UBR1: variants seen among roughly 807,000 people sequenced by gnomAD.
UBR1 encodes ubiquitin protein ligase E3 component n-recognin 1, also known as E3 ubiquitin-protein ligase UBR1.
UBR1 carries 102 observed loss-of-function variants against 242.1 expected under a neutral mutation model. The observed-to-expected ratio is 0.42, with a 90% CI of 0.36 to 0.50. The LOEUF (loss-of-function observed/expected upper bound fraction) is 0.50, where lower values mean the gene tolerates loss of function less well. Ranked by LOEUF, UBR1 falls within the 20% of genes least tolerant of loss-of-function variation. The pLI is 0.01. For synonymous variants in UBR1, 675 were observed against 684.8 expected, an observed-to-expected ratio of 0.99 and a Z score of 0.22; for missense variants, 1,772 against 2,101.8, an observed-to-expected ratio of 0.84 and a Z score of 3.07.
chr15:43,010,818 C>CAAA (rs768275252), intron 29 of UBR1, among the ~76,000 whole-genome samples: 52 of 56,964 alleles, frequency 9.1e-4, no homozygotes, highest in East Asian at 1.7e-3. Context: ...ACTAAAAATA[C>CAAA]AAAAAAAAAA....
chr15:42,991,697 G>C (rs2032559815), intron 33 of UBR1, among the ~76,000 whole-genome samples: 1 of 151,550 alleles, frequency 6.6e-6, no homozygotes, highest in African/African-American at 2.4e-5. Flanking sequence ...AATTTCCACT[G>C]ACCTAATTTC....
At chr15:43,030,438 T>A (rs1291425983) in intron 20 of UBR1, among the ~76,000 whole-genome samples, 1 of 152,248 alleles carries the variant, frequency 6.6e-6, no homozygotes, top group Non-Finnish European at 1.5e-5. Context: ...GGCATCTGAA[T>A]GAGCAGTGGC....
chr15:43,007,501 A>AG (rs780034558), intron 29 of UBR1, among the ~76,000 whole-genome samples: 10 of 152,032 alleles, frequency 6.6e-5, no homozygotes, highest in Non-Finnish European at 1.3e-4. Flanking sequence ...AGTGCAAAAA[A>AG]CAGATGATAA....
At chr15:42,952,558 A>G in intron 44 of UBR1, 110 bp from the exon 45 acceptor site, 9 of 1,213,436 alleles carry the variant, frequency 7.4e-6, no homozygotes, top group Non-Finnish European at 1.1e-5. Context: ...ACCCCTTTCC[A>G]GCAAGGAAGC....
chr15:43,086,431 G>A (rs2034036911), intron 1 of UBR1, among the ~76,000 whole-genome samples, 191 bp from the exon 2 acceptor site: 2 of 128,854 alleles, frequency 1.6e-5, no homozygotes, highest in Admixed American at 8.3e-5. Context: ...CATACCACCA[G>A]TATCTGAAAA....
intron 19 of UBR1, among the ~76,000 whole-genome samples, chr15:43,033,632 C>T (rs575994334): frequency 4.0e-5 from 6 of 151,550 alleles, no homozygotes; most frequent in Admixed American, 1.3e-4. Context: ...CCAGCCTGGG[C>T]GACAGAGCGA....
Position 42,984,898 on chromosome 15 carries a change from G to A in UBR1, c.4042C>T (p.Gln1348Ter). The A allele has an allele frequency of 6.2e-7, 1 of 1,611,888 alleles. No homozygotes were observed. Among genetic ancestry groups the A allele is most frequent in the Admixed American group, 1.7e-5 (1 of 59,958 alleles). The change falls in exon 36 of 47, where the codon CAA becomes TAA. Residue 1348 changes from glutamine to a stop codon, truncating the protein, a stop_gained. Transcript: ENST00000290650. LOFTEE classifies it high-confidence loss of function. The stretch of plus-strand genomic sequence containing the variant: ...TGGAATATACATACCTGCCTATTTT[G>A]AAGTGCTCCAAACAGAGGTTTTCCT... ...DEGKPLFGAL[Q>*]NRQHNGLKAL...
chr15:43,033,085 T>C (rs900950494), intron 19 of UBR1, among the ~76,000 whole-genome samples: 1 of 152,222 alleles, frequency 6.6e-6, no homozygotes, highest in Non-Finnish European at 1.5e-5. Flanking sequence ...CTGCATTTTA[T>C]ATCCTATTCA....
At chr15:43,069,805 A>C (rs2033801976) in intron 5 of UBR1, among the ~76,000 whole-genome samples, 1 of 152,254 alleles carries the variant, frequency 6.6e-6, no homozygotes, top group East Asian at 1.9e-4. Flanking sequence ...ATGACACTCA[A>C]GCAATCCTCG....
chr15:42,960,718 G>A lies in UBR1; in HGVS notation c.4701-17C>T. On this transcript the variant is annotated splice_polypyrimidine_tract_variant and intron_variant, in intron 42 of 46. Coordinates refer to ENST00000290650, the MANE Select transcript of UBR1 (RefSeq NM_174916.3). ...GCACACCACCTGTATGTGGAGCCAA[G>A]AGAAAAGACAAATGGATTATCACAG... is the stretch of plus-strand genomic sequence containing the variant. 1 of 1,613,214 alleles carries A rather than the reference G, an allele frequency of 6.2e-7. No individual in the cohort carries two copies. The highest frequency in any genetic ancestry group is 8.5e-7 in the Non-Finnish European group (1 of 1,179,392).
At chr15:43,056,584 T>A in intron 10 of UBR1, 142 bp from the exon 11 acceptor site, 1 of 596,920 alleles carries the variant, frequency 1.7e-6, no homozygotes, top group Admixed American at 3.1e-5. Flanking sequence ...CAAGATATTA[T>A]GATCAGCAAA....
At chr15:43,069,002 G>C (rs1177471390) in intron 5 of UBR1, among the ~76,000 whole-genome samples, 1 of 152,202 alleles carries the variant, frequency 6.6e-6, no homozygotes, top group Admixed American at 6.5e-5. Flanking sequence ...TTAACAATTA[G>C]TTGTTATTGA....
chr15:43,075,589 C>T (rs1269235481), intron 3 of UBR1, among the ~76,000 whole-genome samples: 1 of 151,904 alleles, frequency 6.6e-6, no homozygotes, highest in Non-Finnish European at 1.5e-5. Context: ...TCCCTCCCCA[C>T]TCCCCCCTAG....
intron 28 of UBR1, 27 bp from the exon 29 acceptor site, chr15:43,015,896 G>C (rs775210917): frequency 1.2e-6 from 2 of 1,606,886 alleles, no homozygotes; most frequent in Non-Finnish European, 1.7e-6. Flanking sequence ...GACAAATTTA[G>C]GTAAGATCCA....
chr15:43,024,741 G>C lies in UBR1; in HGVS notation c.2739+88C>G. ...CTATGTTTCCGGTGCTCTAGATGTG[G>C]TTCCAACTGAAGTTAGACCTGAGAT... On this transcript the variant is annotated intron_variant, in intron 25 of 46. Coordinates refer to ENST00000290650, the MANE Select transcript of UBR1 (RefSeq NM_174916.3). 5 of 1,577,332 alleles carry C rather than the reference G, an allele frequency of 3.2e-6. No homozygotes were observed. In the South Asian group the frequency reaches 5.6e-5, roughly 18 times the overall value.
chr15:43,039,864 A>C (rs1372626530), intron 15 of UBR1, among the ~76,000 whole-genome samples: 2 of 152,130 alleles, frequency 1.3e-5, no homozygotes, highest in Non-Finnish European at 2.9e-5. Context: ...TCAATATCTA[A>C]TTTATTGAGA....
intron 35 of UBR1, 136 bp from the exon 36 acceptor site, chr15:42,985,078 T>G: frequency 1.3e-6 from 1 of 745,808 alleles, no homozygotes; most frequent in South Asian, 2.6e-5. Flanking sequence ...GTCTTGTGTT[T>G]TAAGTCTATG....
rs1318718901 is a variant in UBR1, at chr15:42,992,092, C to A, written c.3758-1972G>T. On this transcript the variant is annotated intron_variant, in intron 33 of 46. Transcript: ENST00000290650. ...GAGCACATCCAGTTAATTTTTGTTTCATCCAGTATTTTTTCAATTCTATTA... is the reference window on the plus strand; with the variant it reads ...GAGCACATCCAGTTAATTTTTGTTTAATCCAGTATTTTTTCAATTCTATTA... Among the ~76,000 whole-genome samples, 3 of 152,062 alleles carry A rather than the reference C, an allele frequency of 2.0e-5. No homozygotes were observed. The East Asian group carries it at 5.8e-4, about 29-fold the overall frequency.
chr15:43,085,492 A>G (rs2034024539), intron 2 of UBR1, among the ~76,000 whole-genome samples: 1 of 152,180 alleles, frequency 6.6e-6, no homozygotes. Flanking sequence ...AAACCAAACT[A>G]TAACGGTATA....
Sources: allele counts gnomAD v4.1 joint callset (sites outside exome capture counted in the v4.1 genomes callset), GRCh38; gene constraint gnomAD v4.1.1; transcripts MANE v1.5; gene names NCBI Gene and HGNC (gene_info 2026-07-23, HGNC 2026-07-21).